The following C8orf34 variants were observed in gnomAD, a reference collection of about 807,000 sequenced individuals.
C8orf34 encodes the protein uncharacterized protein C8orf34.
A neutral mutation model predicts 68.3 loss-of-function variants in C8orf34; 65 were observed. The ratio of observed to expected loss-of-function variants is 0.95; its 90% CI spans 0.78 to 1.17. The LOEUF (loss-of-function observed/expected upper bound fraction) is 1.17, where lower values mean the gene tolerates loss of function less well. C8orf34 is among the 50% of genes most tolerant of loss of function. C8orf34 has a pLI of 0.00. For missense variants in C8orf34, 664 were observed against 655.4 expected (o/e 1.01, Z -0.14); for synonymous variants, 244 against 241.2 (o/e 1.01, Z -0.11).
chr8:68,332,862 A>C (rs1805689080), intron 1 of C8orf34, among the ~76,000 whole-genome samples: 1 of 152,220 alleles, frequency 6.6e-6, no homozygotes, highest in South Asian at 2.1e-4. Context: ...AATTGATGGA[A>C]CTACCAGATT....
chr8:68,816,916 T>A (rs896523514), intron 13 of C8orf34, among the ~76,000 whole-genome samples: 2 of 152,154 alleles, frequency 1.3e-5, no homozygotes, highest in Non-Finnish European at 2.9e-5. Flanking sequence ...GAATCCATTA[T>A]GAAGGATGAG....
chr8:68,657,944 G>A (rs1819557018), intron 8 of C8orf34, among the ~76,000 whole-genome samples: 1 of 152,012 alleles, frequency 6.6e-6, no homozygotes, highest in Non-Finnish European at 1.5e-5. Flanking sequence ...TACTCTGATG[G>A]TTTTAAATTT....
At chr8:68,433,823 A>G (rs948475444) in intron 1 of C8orf34, among the ~76,000 whole-genome samples, 1 of 152,218 alleles carries the variant, frequency 6.6e-6, no homozygotes, top group African/African-American at 2.4e-5. Context: ...AGTTTTAATA[A>G]TAAGTGAGTC....
chr8:68,611,428 C>T (rs1308380522), intron 7 of C8orf34, among the ~76,000 whole-genome samples: 1 of 152,100 alleles, frequency 6.6e-6, no homozygotes, highest in African/African-American at 2.4e-5. Flanking sequence ...TCAAGAGGTC[C>T]TCTCTAGGAT....
chr8:68,398,675 T>G (rs1472365677), intron 1 of C8orf34, among the ~76,000 whole-genome samples: 1 of 152,146 alleles, frequency 6.6e-6, no homozygotes, highest in Non-Finnish European at 1.5e-5. Context: ...AAACTAATTA[T>G]TTGGACAGAG....
At chr8:68,810,796 C>T (rs1042550107) in intron 12 of C8orf34, among the ~76,000 whole-genome samples, 1 of 152,172 alleles carries the variant, frequency 6.6e-6, no homozygotes, top group Non-Finnish European at 1.5e-5. Flanking sequence ...GGTAGCTCCT[C>T]TCCACAGACA....
intron 10 of C8orf34, among the ~76,000 whole-genome samples, chr8:68,753,655 A>G (rs1176818409): frequency 3.3e-5 from 5 of 152,238 alleles, no homozygotes; most frequent in Admixed American, 3.3e-4. Context: ...ACAGGAAACT[A>G]GGAGTCCAGC....
chr8:68,726,155 C>T (rs1432106627), intron 10 of C8orf34, among the ~76,000 whole-genome samples: 2 of 152,098 alleles, frequency 1.3e-5, no homozygotes, highest in South Asian at 2.1e-4. Flanking sequence ...GTGATCCGCC[C>T]GCCTCGGCCT....
intron 10 of C8orf34, among the ~76,000 whole-genome samples, chr8:68,757,404 C>T (rs376251700): frequency 1.2e-4 from 18 of 152,054 alleles, no homozygotes; most frequent in Middle Eastern, 3.4e-3. Flanking sequence ...CTGAGGCGGG[C>T]GGATCACCTG....
At chr8:68,564,933 A>T (rs926289320) in intron 7 of C8orf34, among the ~76,000 whole-genome samples, 24 of 152,070 alleles carry the variant, frequency 1.6e-4, no homozygotes, top group Non-Finnish European at 2.9e-4. Flanking sequence ...GAGGAAGCCG[A>T]CTCTGCTGTG....
At chr8:68,718,987 A>G (rs1000016777) in intron 9 of C8orf34, among the ~76,000 whole-genome samples, 9 of 152,134 alleles carry the variant, frequency 5.9e-5, no homozygotes, top group African/African-American at 1.7e-4. Context: ...TTAAATAGCT[A>G]AAAAAATTAC....
intron 10 of C8orf34, among the ~76,000 whole-genome samples, chr8:68,723,788 A>C (rs1366309517): frequency 6.6e-6 from 1 of 152,164 alleles, no homozygotes; most frequent in Admixed American, 6.5e-5. Context: ...TTCCTTAATA[A>C]TACATAAAAA....
intron 5 of C8orf34, among the ~76,000 whole-genome samples, chr8:68,495,288 T>TA (rs1813479721): frequency 6.6e-6 from 1 of 151,514 alleles, no homozygotes; most frequent in Non-Finnish European, 1.5e-5. Context: ...TATATATATA[T>TA]ATAATAACAA....
chr8:68,592,593 CTTCTTTTTTTTTTT>C (rs1157569492), intron 7 of C8orf34, among the ~76,000 whole-genome samples: 1 of 116,802 alleles, frequency 8.6e-6, no homozygotes, highest in Non-Finnish European at 1.7e-5. Context: ...CAATTTATCT[CTTCTTTTTTTTTTT>C]TTTTTTTTTT....
intron 10 of C8orf34, among the ~76,000 whole-genome samples, chr8:68,739,825 C>T (rs117768571): frequency 0.012 from 1,777 of 152,184 alleles, 19 homozygotes; most frequent in Non-Finnish European, 0.018. Flanking sequence ...AAAAACCCCA[C>T]AAAGCTGGAG....
intron 4 of C8orf34, among the ~76,000 whole-genome samples, chr8:68,478,742 G>A (rs897505744): frequency 5.9e-5 from 9 of 152,098 alleles, no homozygotes; most frequent in Non-Finnish European, 1.3e-4. Context: ...AAGTGAAGGG[G>A]GATGAGCCTC....
intron 6 of C8orf34, among the ~76,000 whole-genome samples, chr8:68,530,934 A>G (rs1815217590): frequency 6.6e-6 from 1 of 152,082 alleles, no homozygotes; most frequent in South Asian, 2.1e-4. Context: ...TACTTTTAAA[A>G]GTTTCAAACC....
At chr8:68,755,846 G>T (rs539911157) in intron 10 of C8orf34, among the ~76,000 whole-genome samples, 1 of 151,970 alleles carries the variant, frequency 6.6e-6, no homozygotes, top group Non-Finnish European at 1.5e-5. Flanking sequence ...TGGATCACGA[G>T]GTCAGGAGGT....
chr8:68,664,076 G>A (rs897112081), intron 8 of C8orf34, among the ~76,000 whole-genome samples: 2 of 152,172 alleles, frequency 1.3e-5, no homozygotes, highest in Non-Finnish European at 1.5e-5. Flanking sequence ...TGGGGTTGAG[G>A]TCAAGAGACA....
Sources: gnomAD v4.1 joint callset for allele counts (sites outside exome capture counted in the v4.1 genomes callset) on GRCh38, gnomAD v4.1.1 for gene constraint, MANE v1.5 for transcripts, NCBI Gene and HGNC (gene_info 2026-07-23, HGNC 2026-07-21) for gene names.